The following KCNN2 variants were observed in gnomAD, a reference collection of about 807,000 sequenced individuals.
The protein encoded by KCNN2 is potassium calcium-activated channel subfamily N member 2.
In KCNN2, 24 loss-of-function variants were observed where a neutral mutation model predicts 55.5. That is an observed-to-expected ratio of 0.43 (90% CI 0.31 to 0.61). The LOEUF (loss-of-function observed/expected upper bound fraction) is 0.61, where lower values mean the gene tolerates loss of function less well. KCNN2 is among the 20% of genes least tolerant of loss of function. KCNN2 has a pLI of 0.08. For synonymous variants in KCNN2, 431 were observed against 336.1 expected (o/e 1.28, Z -3.09); for missense variants, 754 against 853.6 (o/e 0.88, Z 1.45).
intron 2 of KCNN2, among the ~76,000 whole-genome samples, chr5:114,239,632 CTTTAGTATT>C (rs1415370545): frequency 6.6e-6 from 1 of 152,098 alleles, no homozygotes; most frequent in Non-Finnish European, 1.5e-5. Flanking sequence ...TATTTGGATC[CTTTAGTATT>C]TTTTGTCTTG....
At chr5:114,335,068 C>A (rs928445523) in intron 2 of KCNN2, among the ~76,000 whole-genome samples, 4 of 152,130 alleles carry the variant, frequency 2.6e-5, no homozygotes, top group Non-Finnish European at 4.4e-5. Flanking sequence ...GGACTACAGG[C>A]GCCCGCCTCC....
intron 2 of KCNN2, among the ~76,000 whole-genome samples, chr5:114,355,163 G>A (rs1757274948): frequency 6.6e-6 from 1 of 152,152 alleles, no homozygotes; most frequent in Admixed American, 6.5e-5. Flanking sequence ...TTCCCAGAAA[G>A]AGAGAGAATA....
At chr5:114,240,476 G>A (rs10061107) in intron 2 of KCNN2, among the ~76,000 whole-genome samples, 1 of 149,384 alleles carries the variant, frequency 6.7e-6, no homozygotes, top group Non-Finnish European at 1.5e-5. Flanking sequence ...TTTTACCCAG[G>A]CTGGAGTTCA....
intron 5 of KCNN2, among the ~76,000 whole-genome samples, chr5:114,479,964 C>A (rs553874041): frequency 3.3e-5 from 5 of 151,224 alleles, no homozygotes; most frequent in Non-Finnish European, 7.4e-5. Context: ...ATCTGGAGAA[C>A]CAAGAACAAA....
At chr5:114,074,369 G>A (rs1750643861) in intron 1 of KCNN2, among the ~76,000 whole-genome samples, 1 of 151,500 alleles carries the variant, frequency 6.6e-6, no homozygotes, top group Non-Finnish European at 1.5e-5. Flanking sequence ...GATCTTTAAG[G>A]TAGCTTGTTA....
chr5:114,468,764 T>G (rs894902475), intron 4 of KCNN2, among the ~76,000 whole-genome samples: 2 of 152,220 alleles, frequency 1.3e-5, no homozygotes, highest in South Asian at 4.1e-4. Flanking sequence ...TTTTTCACAG[T>G]TGAAATAATC....
At chr5:114,272,304 TCACACACACA>T (rs1247519116) in intron 2 of KCNN2, among the ~76,000 whole-genome samples, 2 of 58,836 alleles carry the variant, frequency 3.4e-5, no homozygotes, top group Non-Finnish European at 4.9e-5. Flanking sequence ...TATGTACATA[TCACACACACA>T]CATATATGTA....
intron 1 of KCNN2, among the ~76,000 whole-genome samples, chr5:114,209,877 C>A (rs547862297): frequency 6.6e-6 from 1 of 152,176 alleles, no homozygotes; most frequent in African/African-American, 2.4e-5. Context: ...TCATTATTCA[C>A]AGATTCCTTA....
chr5:114,381,124 G>A (rs1383752150), intron 2 of KCNN2, among the ~76,000 whole-genome samples: 2 of 152,128 alleles, frequency 1.3e-5, no homozygotes, highest in Non-Finnish European at 2.9e-5. Flanking sequence ...AGGTGGTATG[G>A]CAATCTAATA....
chr5:114,248,173 C>T (rs1754783593), intron 2 of KCNN2, among the ~76,000 whole-genome samples: 1 of 152,056 alleles, frequency 6.6e-6, no homozygotes, highest in African/African-American at 2.4e-5. Context: ...TTTACATGGA[C>T]AGGAAAGAGG....
intron 2 of KCNN2, among the ~76,000 whole-genome samples, chr5:114,303,392 G>C (rs919034960): frequency 6.6e-6 from 1 of 152,152 alleles, no homozygotes; most frequent in Non-Finnish European, 1.5e-5. Flanking sequence ...AGATTTACTT[G>C]GCTTTAACTC....
chr5:114,406,217 TTTGTATTTTAAATACAAAAATAAA>T (rs953140824), intron 3 of KCNN2, among the ~76,000 whole-genome samples: 7 of 152,006 alleles, frequency 4.6e-5, no homozygotes, highest in Admixed American at 2.0e-4. Flanking sequence ...TTTTTATAGT[TTTGTATTTTAAATACAAAAATAAA>T]TTGTATTTTA....
intron 1 of KCNN2, among the ~76,000 whole-genome samples, chr5:114,086,790 A>G (rs1441623099): frequency 6.6e-6 from 1 of 152,178 alleles, no homozygotes; most frequent in African/African-American, 2.4e-5. Flanking sequence ...TCTTTTGGAT[A>G]TATACCCAGT....
At chr5:114,143,338 C>A (rs1327584176) in intron 1 of KCNN2, among the ~76,000 whole-genome samples, 1 of 152,126 alleles carries the variant, frequency 6.6e-6, no homozygotes, top group Non-Finnish European at 1.5e-5. Flanking sequence ...CTTTCCATAA[C>A]CTATGATTGG....
At chr5:114,370,768 G>A (rs984199724) in intron 2 of KCNN2, among the ~76,000 whole-genome samples, 7 of 152,068 alleles carry the variant, frequency 4.6e-5, no homozygotes, top group African/African-American at 7.2e-5. Flanking sequence ...AGGGGATAAA[G>A]GGGCCTGATT....
chr5:114,065,846 G>GTTTTTTTTT (rs56127808), intron 1 of KCNN2, among the ~76,000 whole-genome samples: 2 of 45,196 alleles, frequency 4.4e-5, no homozygotes, highest in African/African-American at 1.7e-4. Flanking sequence ...TCCTATGCAG[G>GTTTTTTTTT]TTTTTTTTTT....
At chr5:114,279,321 C>G (rs1044690924) in intron 2 of KCNN2, among the ~76,000 whole-genome samples, 1 of 151,552 alleles carries the variant, frequency 6.6e-6, no homozygotes, top group Non-Finnish European at 1.5e-5. Context: ...TTTTATTATA[C>G]TTTAAGTTTT....
At chr5:114,095,986 G>A (rs533084352) in intron 1 of KCNN2, among the ~76,000 whole-genome samples, 1 of 152,154 alleles carries the variant, frequency 6.6e-6, no homozygotes, top group East Asian at 1.9e-4. Context: ...CATCTATCTG[G>A]CCTATAGAAA....
At chr5:114,246,582 C>G in intron 2 of KCNN2, among the ~76,000 whole-genome samples, 1 of 151,376 alleles carries the variant, frequency 6.6e-6, no homozygotes, top group Non-Finnish European at 1.5e-5. Context: ...AGTAAAAAAA[C>G]TAACATTGGT....
Sources: gnomAD v4.1 joint callset for allele counts (sites outside exome capture counted in the v4.1 genomes callset) on GRCh38, gnomAD v4.1.1 for gene constraint, MANE v1.5 for transcripts, NCBI Gene and HGNC (gene_info 2026-07-23, HGNC 2026-07-21) for gene names.